FLACC1: variants seen among roughly 807,000 people sequenced by gnomAD.
FLACC1 encodes the protein flagellum associated containing coiled-coil domains 1.
In FLACC1, 66 loss-of-function variants were observed where a neutral mutation model predicts 62.8. The ratio of observed to expected loss-of-function variants is 1.05; its 90% CI spans 0.86 to 1.29. FLACC1 has a LOEUF of 1.29. Among genes scored for constraint, FLACC1 ranks in the 50% most tolerant of loss-of-function variants. The pLI is 0.00. For synonymous variants in FLACC1, 156 were observed against 161.0 expected (o/e 0.97, Z 0.24); for missense variants, 452 against 489.1 (o/e 0.92, Z 0.71).
At chr2:201,351,739 T>TGCAAGA in intron 1 of FLACC1, 2 of 213,852 alleles carry the variant, frequency 9.4e-6, no homozygotes, top group Non-Finnish European at 1.9e-5. Flanking sequence ...AGGTCAGGAG[T>TGCAAGA]TTGAGACCAG....
chr2:201,298,178 G>C (rs779951520), intron 12 of FLACC1, among the ~76,000 whole-genome samples: 1 of 152,174 alleles, frequency 6.6e-6, no homozygotes, highest in African/African-American at 2.4e-5. Context: ...TTCTCATACA[G>C]AGGGTGTGGT....
intron 12 of FLACC1, among the ~76,000 whole-genome samples, chr2:201,295,265 T>C (rs1949833871): frequency 6.6e-6 from 1 of 152,112 alleles, no homozygotes; most frequent in African/African-American, 2.4e-5. Context: ...CAAACTATAC[T>C]ACAAGTCTAC....
chr2:201,341,669 C>T (rs1950813046), intron 7 of FLACC1, among the ~76,000 whole-genome samples: 2 of 151,970 alleles, frequency 1.3e-5, no homozygotes, highest in African/African-American at 2.4e-5. Context: ...GTGGTGAGAA[C>T]AGCTATAAAC....
At chr2:201,306,504 C>G (rs1031284340) in intron 11 of FLACC1, among the ~76,000 whole-genome samples, 10 of 152,066 alleles carry the variant, frequency 6.6e-5, no homozygotes, top group African/African-American at 2.4e-4. Flanking sequence ...AAAAATGACC[C>G]ATGACTCTTA....
At chr2:201,324,909 C>T (rs1950473776) in intron 9 of FLACC1, among the ~76,000 whole-genome samples, 1 of 152,110 alleles carries the variant, frequency 6.6e-6, no homozygotes, top group Admixed American at 6.5e-5. Flanking sequence ...AGGTGGATCA[C>T]TTGAGGCCAG....
intron 12 of FLACC1, among the ~76,000 whole-genome samples, chr2:201,296,268 T>C (rs1949858995): frequency 6.6e-6 from 1 of 151,896 alleles, no homozygotes; most frequent in African/African-American, 2.4e-5. Flanking sequence ...AACCCAAATG[T>C]CGAACAATGA....
In FLACC1 at chr2:201,330,772, AG is replaced by A. The variant is rs1275992534; in HGVS notation, c.585del (p.Leu196Ter). On this transcript the variant is annotated frameshift_variant, in exon 8 of 15. Transcript: ENST00000392257. LOFTEE classifies it high-confidence loss of function. ...LSELENNYKAALKAEKLAAQE... is the reference protein window; with the variant it reads ...LSELENNYKAXLKAEKLAAQE... The stretch of plus-strand genomic sequence containing the variant: ...TGGGCAGCCAACTTCTCTGCCTTCA[AG>A]GCTGCTTTGTAGTTGTTCTCCAACT... 6.2e-7 allele frequency: 1 copy of A among 1,613,764 alleles called. No individual in the cohort carries two copies. Among genetic ancestry groups the A allele is most frequent in the African/African-American group, 1.3e-5 (1 of 74,856 alleles).
At chr2:201,303,788 T>C (rs1195717767) in intron 11 of FLACC1, among the ~76,000 whole-genome samples, 1 of 152,190 alleles carries the variant, frequency 6.6e-6, no homozygotes. Flanking sequence ...CGCAAATCAA[T>C]AAACGTAATC....
intron 7 of FLACC1, among the ~76,000 whole-genome samples, chr2:201,331,078 C>T (rs778582947): frequency 6.9e-4 from 104 of 151,478 alleles, no homozygotes; most frequent in Non-Finnish European, 1.3e-3. Context: ...AAGTGATCTT[C>T]CCACCTTAAC....
chr2:201,345,479 TGTGTGTA>T, intron 5 of FLACC1, among the ~76,000 whole-genome samples: 1 of 151,002 alleles, frequency 6.6e-6, no homozygotes, highest in Non-Finnish European at 1.5e-5. Context: ...TGTGTGTGTG[TGTGTGTA>T]TGTGTGTGTG....
chr2:201,292,739 T>C (rs923559782), intron 12 of FLACC1, among the ~76,000 whole-genome samples: 1 of 151,166 alleles, frequency 6.6e-6, no homozygotes, highest in Non-Finnish European at 1.5e-5. Context: ...GCAAATTGGA[T>C]AGTCAAGACC....
rs56229607 is a variant in FLACC1, at chr2:201,345,450, TTGTGTGTG to T, written c.368+1084_368+1091del. Among the ~76,000 whole-genome samples the T allele has an allele frequency of 3.2e-3, 461 of 144,174 alleles. 5 individuals carry two copies. The highest frequency in any genetic ancestry group is 0.011 in the African/African-American group (423 of 39,294). The allele number at this position is 144,174 out of a possible 152,430, so 94.6% of individuals were successfully genotyped here. On this transcript the variant is annotated intron_variant, in intron 5 of 14. Coordinates refer to ENST00000392257, the MANE Select transcript of FLACC1 (RefSeq NM_001127391.3). ...AATACACTAGCAGATAGGTAGATGATTGTGTGTGTGTGTGTGTGTGTGTGTGTGTGTGT... is the reference window on the plus strand; with the variant it reads ...AATACACTAGCAGATAGGTAGATGATTGTGTGTGTGTGTGTGTGTGTGTGT...
At chr2:201,340,045 G>A (rs1024990844) in intron 7 of FLACC1, among the ~76,000 whole-genome samples, 2 of 152,224 alleles carry the variant, frequency 1.3e-5, no homozygotes, top group Admixed American at 6.5e-5. Flanking sequence ...GGTGGTGCAT[G>A]CAGATAGGTG....
At chr2:201,290,002 A>AATC in intron 12 of FLACC1, 1 of 710,344 alleles carries the variant, frequency 1.4e-6, no homozygotes. Flanking sequence ...TTCTAATGGC[A>AATC]ATCAGTTATT....
At chr2:201,296,860 T>C (rs767930217) in intron 12 of FLACC1, among the ~76,000 whole-genome samples, 10 of 152,138 alleles carry the variant, frequency 6.6e-5, no homozygotes, top group Admixed American at 2.0e-4. Context: ...CGTATCTTAC[T>C]GTTTACATTA....
intron 7 of FLACC1, among the ~76,000 whole-genome samples, chr2:201,332,636 T>A (rs776016198): frequency 2.6e-5 from 4 of 152,156 alleles, no homozygotes; most frequent in Non-Finnish European, 5.9e-5. Context: ...TTTACTACTC[T>A]GTGCAATAGA....
At position 201,351,440 on chromosome 2, in the gene FLACC1, A is replaced by AGG; in HGVS notation, c.-38_-37dup. On this transcript the variant is annotated 5_prime_UTR_variant, in exon 2 of 15. The change abolishes the stop of an existing upstream ORF in the 5' untranslated region. Coordinates refer to ENST00000392257, the MANE Select transcript of FLACC1 (RefSeq NM_001127391.3). ...CAGGGGGAGTCTTGGCTGCTAGATC[A>AGG]GGAGGCTCTTGCTGAAATTGAAAAA... 1 of 1,481,040 alleles carries AGG rather than the reference A, an allele frequency of 6.8e-7. No individual in the cohort carries two copies. 91.7% of individuals were successfully genotyped at this position (1,481,040 alleles called of 1,614,324 possible). A position where few individuals can be genotyped will look rare whatever the true frequency, so the allele number is the denominator to read the frequency against.
intron 4 of FLACC1, 73 bp downstream of exon 4, chr2:201,348,181 A>G (rs1259711805): frequency 4.2e-6 from 6 of 1,433,002 alleles, no homozygotes; most frequent in Non-Finnish European, 5.7e-6. Context: ...ATAAAAATGT[A>G]AAGGGCCCAT....
At chr2:201,355,792 G>T (rs929729169) in intron 1 of FLACC1, among the ~76,000 whole-genome samples, 1 of 152,162 alleles carries the variant, frequency 6.6e-6, no homozygotes, top group Non-Finnish European at 1.5e-5. Context: ...CCAGGAGTTT[G>T]AAGTTGCAGT....
Sources: allele counts gnomAD v4.1 joint callset (sites outside exome capture counted in the v4.1 genomes callset), GRCh38; gene constraint gnomAD v4.1.1; transcripts MANE v1.5; gene names NCBI Gene and HGNC (gene_info 2026-07-23, HGNC 2026-07-21).